Variants in TAFA4 observed in about 807,000 individuals in gnomAD.
TAFA4 encodes TAFA chemokine like family member 4.
A neutral mutation model predicts 21.1 loss-of-function variants in TAFA4; 20 were observed. That is an observed-to-expected ratio of 0.95 (90% CI 0.67 to 1.38). TAFA4 has a LOEUF of 1.38. Ranked by LOEUF, TAFA4 falls within the 40% of genes most tolerant of loss-of-function variation. TAFA4 has a pLI of 0.00. For missense variants in TAFA4, 211 were observed against 180.9 expected (o/e 1.17, Z -0.95); for synonymous variants, 71 against 67.4 (o/e 1.05, Z -0.26).
intron 3 of TAFA4, among the ~76,000 whole-genome samples, chr3:68,766,571 T>A (rs1702859137): frequency 6.7e-6 from 1 of 150,114 alleles, no homozygotes; most frequent in Non-Finnish European, 1.5e-5. Context: ...CTCAGAAAAT[T>A]CCAAAAGCAA....
chr3:68,737,372 G>A (rs957940709), intron 5 of TAFA4, among the ~76,000 whole-genome samples: 6 of 152,104 alleles, frequency 3.9e-5, no homozygotes, highest in African/African-American at 1.4e-4. Flanking sequence ...AGAATGATAC[G>A]AGTGTTGACC....
intron 3 of TAFA4, among the ~76,000 whole-genome samples, chr3:68,791,704 G>T (rs1005955805): frequency 6.6e-6 from 1 of 152,204 alleles, no homozygotes; most frequent in African/African-American, 2.4e-5. Context: ...CTCTTGTCAT[G>T]AAGCAGAGAT....
At chr3:68,783,713 A>AAGAAAGAAAGAAAGAAAGAAAG (rs1553641277) in intron 3 of TAFA4, among the ~76,000 whole-genome samples, 1 of 80,756 alleles carries the variant, frequency 1.2e-5, no homozygotes, top group South Asian at 4.9e-4. Flanking sequence ...GAGAGAAAGA[A>AAGAAAGAAAGAAAGAAAGAAAG]AAAGAAAGAA....
intron 3 of TAFA4, among the ~76,000 whole-genome samples, chr3:68,860,068 A>G (rs2089313662): frequency 6.6e-6 from 1 of 152,110 alleles, no homozygotes; most frequent in Non-Finnish European, 1.5e-5. Context: ...TTAACCTAAG[A>G]TATTGTTAAT....
At chr3:68,811,569 T>C (rs1703839953) in intron 3 of TAFA4, among the ~76,000 whole-genome samples, 1 of 152,076 alleles carries the variant, frequency 6.6e-6, no homozygotes, top group Admixed American at 6.5e-5. Context: ...GAAGAAAGGG[T>C]ATCAGTGATG....
chr3:68,771,105 T>C (rs192663333), intron 3 of TAFA4, among the ~76,000 whole-genome samples: 59 of 152,060 alleles, frequency 3.9e-4, no homozygotes, highest in Non-Finnish European at 7.4e-4. Flanking sequence ...ACCTTCTCAC[T>C]CCATCCCCCT....
At chr3:68,786,576 A>G (rs963839511) in intron 3 of TAFA4, among the ~76,000 whole-genome samples, 15 of 152,216 alleles carry the variant, frequency 9.9e-5, no homozygotes, top group Admixed American at 9.2e-4. Context: ...CTTACCACAT[A>G]TAAGTATTAG....
Position 68,831,544 on chromosome 3 carries a change from T to TGA in TAFA4, c.130+49185_130+49186insTC, listed in dbSNP as rs1199001210. On this transcript the variant is annotated intron_variant, in intron 3 of 5. Coordinates refer to ENST00000295569, the MANE Select transcript of TAFA4 (RefSeq NM_182522.5). ...CTTCTGGATTGTAGGGTTTCTGCAATCAGATCTGCTGTTAGTCTGACGGGC... is the reference window on the plus strand; with the variant it reads ...CTTCTGGATTGTAGGGTTTCTGCAATGACAGATCTGCTGTTAGTCTGACGGGC... 9.2e-3 allele frequency among the ~76,000 whole-genome samples: 1,374 copies of TGA among 149,304 alleles called. 18 individuals carry two copies. The highest frequency in any genetic ancestry group is 0.032 in the Middle Eastern group (9 of 282).
At chr3:68,800,841 C>A (rs1043058774) in intron 3 of TAFA4, among the ~76,000 whole-genome samples, 1 of 152,168 alleles carries the variant, frequency 6.6e-6, no homozygotes, top group African/African-American at 2.4e-5. Context: ...GAGCTGGAAT[C>A]TTTATTAACA....
At chr3:68,893,483 C>A in intron 1 of TAFA4, among the ~76,000 whole-genome samples, 1 of 152,182 alleles carries the variant, frequency 6.6e-6, no homozygotes, top group East Asian at 1.9e-4. Context: ...TGTAAGCCCC[C>A]AGTTTCACTC....
intron 1 of TAFA4, among the ~76,000 whole-genome samples, chr3:68,919,445 A>T (rs2090036180): frequency 1.3e-5 from 2 of 152,282 alleles, no homozygotes; most frequent in Admixed American, 6.5e-5. Context: ...TTTCTCCATG[A>T]GTCACTCTCT....
intron 3 of TAFA4, among the ~76,000 whole-genome samples, chr3:68,849,838 A>G (rs1344963536): frequency 6.6e-6 from 1 of 152,208 alleles, no homozygotes; most frequent in East Asian, 1.9e-4. Context: ...AAATTCATTC[A>G]ACTTCAACAG....
At chr3:68,918,294 C>A (rs1362758874) in intron 1 of TAFA4, among the ~76,000 whole-genome samples, 2 of 152,072 alleles carry the variant, frequency 1.3e-5, no homozygotes, top group African/African-American at 4.8e-5. Context: ...GCAAATGACA[C>A]TGGAGAAAAA....
Position 68,928,950 on chromosome 3 carries a change from C to T in TAFA4, c.-123+3290G>A, listed in dbSNP as rs571864692. Among the ~76,000 whole-genome samples the T allele has an allele frequency of 6.7e-5, 10 of 149,714 alleles. 1 individual carries two copies. The highest frequency in any genetic ancestry group is 1.5e-4 in the African/African-American group (6 of 40,384). ...CTTTCTAGATTTAAAATTCTTTGAG[C>T]GTTTCCTTAAACCAGATTTTACAAT... On this transcript the variant is annotated intron_variant, in intron 1 of 5. Transcript: ENST00000295569.
chr3:68,796,648 G>A (rs909218511), intron 3 of TAFA4, among the ~76,000 whole-genome samples: 4 of 152,104 alleles, frequency 2.6e-5, no homozygotes, highest in African/African-American at 9.7e-5. Context: ...CTACATCAAA[G>A]TTTAAAATTT....
chr3:68,835,906 C>A (rs925001647), intron 3 of TAFA4, among the ~76,000 whole-genome samples: 1 of 152,168 alleles, frequency 6.6e-6, no homozygotes, highest in African/African-American at 2.4e-5. Flanking sequence ...TTCACATATC[C>A]CTCTTTAAAA....
chr3:68,870,829 G>A (rs2089473216), intron 3 of TAFA4, among the ~76,000 whole-genome samples: 1 of 152,092 alleles, frequency 6.6e-6, no homozygotes, highest in African/African-American at 2.4e-5. Context: ...GTGAGAACAT[G>A]CAGTGTTTGG....
At chr3:68,928,079 A>G (rs542030447) in intron 1 of TAFA4, among the ~76,000 whole-genome samples, 30 of 152,310 alleles carry the variant, frequency 2.0e-4, no homozygotes, top group African/African-American at 6.7e-4. Flanking sequence ...TGATGCTACC[A>G]TACTTCTGAA....
intron 3 of TAFA4, among the ~76,000 whole-genome samples, chr3:68,851,299 T>C (rs111432247): frequency 1.3e-5 from 2 of 151,902 alleles, no homozygotes. Context: ...TGAAATTACA[T>C]GGACATAGGG....
Sources: allele counts gnomAD v4.1 joint callset (sites outside exome capture counted in the v4.1 genomes callset), GRCh38; gene constraint gnomAD v4.1.1; transcripts MANE v1.5; gene names NCBI Gene and HGNC (gene_info 2026-07-23, HGNC 2026-07-21).